PLD5: variants seen among roughly 807,000 people sequenced by gnomAD.
PLD5 encodes inactive phospholipase D5.
Under a neutral mutation model 61.1 loss-of-function variants are expected in PLD5, and 36 were observed. The ratio of observed to expected loss-of-function variants is 0.59; its 90% CI spans 0.45 to 0.78. PLD5 has a LOEUF of 0.78. PLD5 is among the 30% of genes least tolerant of loss of function. PLD5 has a pLI of 0.00. For synonymous variants in PLD5, 243 were observed against 242.8 expected (o/e 1.00, Z -0.01); for missense variants, 515 against 644.4 (o/e 0.80, Z 2.17).
intron 1 of PLD5, among the ~76,000 whole-genome samples, chr1:242,467,823 A>C (rs1667324653): frequency 1.3e-5 from 2 of 152,126 alleles, no homozygotes; most frequent in African/African-American, 4.8e-5. Flanking sequence ...CCTTTGTTAG[A>C]GAGTTTATAA....
intron 2 of PLD5, among the ~76,000 whole-genome samples, chr1:242,326,149 C>CAGGT (rs1267168009): frequency 1.4e-5 from 2 of 146,680 alleles, no homozygotes; most frequent in Non-Finnish European, 3.0e-5. Context: ...TGCTGTGATA[C>CAGGT]AGGTGTGAAC....
intron 2 of PLD5, among the ~76,000 whole-genome samples, chr1:242,327,407 TAG>T (rs2149196484): frequency 6.6e-6 from 1 of 152,346 alleles, no homozygotes; most frequent in South Asian, 2.1e-4. Context: ...TTTGACAATA[TAG>T]AGTTCTTTAC....
At chr1:242,309,384 TTTTC>T (rs1328503432) in intron 2 of PLD5, among the ~76,000 whole-genome samples, 2 of 143,352 alleles carry the variant, frequency 1.4e-5, no homozygotes. Context: ...CTAAGTTTTC[TTTTC>T]TTTTTTTTTT....
At chr1:242,468,690 TACAC>T (rs918214737) in intron 1 of PLD5, among the ~76,000 whole-genome samples, 5 of 151,424 alleles carry the variant, frequency 3.3e-5, no homozygotes, top group African/African-American at 7.3e-5. Context: ...CACACACACA[TACAC>T]ACACACGCAC....
At chr1:242,292,524 C>T (rs540134915) in intron 2 of PLD5, among the ~76,000 whole-genome samples, 218 of 152,296 alleles carry the variant, frequency 1.4e-3, no homozygotes, top group Middle Eastern at 0.01. Flanking sequence ...AAGTAAGTCA[C>T]GATTCCCAAT....
intron 5 of PLD5, among the ~76,000 whole-genome samples, chr1:242,141,943 T>C (rs1664204921): frequency 6.6e-6 from 1 of 152,240 alleles, no homozygotes; most frequent in Non-Finnish European, 1.5e-5. Flanking sequence ...GTTCTTTATA[T>C]TAATATATAT....
At chr1:242,154,878 T>G (rs764126992) in intron 5 of PLD5, among the ~76,000 whole-genome samples, 2 of 152,156 alleles carry the variant, frequency 1.3e-5, no homozygotes, top group Non-Finnish European at 2.9e-5. Context: ...TTACGGAGGA[T>G]TCCCTCTTTT....
chr1:242,271,316 C>T (rs1164586594), intron 3 of PLD5, among the ~76,000 whole-genome samples: 1 of 143,640 alleles, frequency 7.0e-6, no homozygotes, highest in Non-Finnish European at 1.5e-5. Context: ...CATAGGCATA[C>T]AAAAAAGATT....
At chr1:242,322,089 A>G (rs11589370) in intron 2 of PLD5, among the ~76,000 whole-genome samples, 52,181 of 152,098 alleles carry the variant, frequency 0.34, 11,090 homozygotes, top group Non-Finnish European at 0.48. Context: ...GCCCTTGGTT[A>G]CCTTGGGAAG....
intron 1 of PLD5, among the ~76,000 whole-genome samples, chr1:242,402,825 T>TAA (rs1664015507): frequency 6.6e-6 from 1 of 152,262 alleles, no homozygotes. Context: ...ATATAATTCC[T>TAA]ATGTATAAAC....
intron 5 of PLD5, among the ~76,000 whole-genome samples, chr1:242,163,147 CTTTCTTTTCTT>C (rs1665986998): frequency 7.0e-6 from 1 of 142,008 alleles, no homozygotes; most frequent in Non-Finnish European, 1.5e-5. Flanking sequence ...CTTTTCTTTT[CTTTCTTTTCTT>C]GAGACGACGG....
chr1:242,464,784 A>T (rs4658816), intron 1 of PLD5, among the ~76,000 whole-genome samples: 4 of 151,942 alleles, frequency 2.6e-5, no homozygotes, highest in Admixed American at 2.6e-4. Context: ...GAAGCACAAC[A>T]TGGTGTCTAT....
intron 5 of PLD5, among the ~76,000 whole-genome samples, chr1:242,211,235 T>C (rs966110203): frequency 5.9e-5 from 9 of 152,188 alleles, no homozygotes; most frequent in African/African-American, 2.2e-4. Context: ...GATGAAGTTA[T>C]AGGATATACA....
chr1:242,391,270 G>A (rs942778747), intron 1 of PLD5, among the ~76,000 whole-genome samples: 1 of 152,156 alleles, frequency 6.6e-6, no homozygotes, highest in Non-Finnish European at 1.5e-5. Flanking sequence ...ATGGAGGAGG[G>A]TCTGGGGCAA....
chr1:242,486,610 C>A (rs1231763225), intron 1 of PLD5, among the ~76,000 whole-genome samples: 2 of 152,074 alleles, frequency 1.3e-5, no homozygotes, highest in Admixed American at 1.3e-4. Flanking sequence ...TACACTGTTG[C>A]TGAGACTGTA....
At chr1:242,170,255 T>C (rs1288284808) in intron 5 of PLD5, among the ~76,000 whole-genome samples, 1 of 152,228 alleles carries the variant, frequency 6.6e-6, no homozygotes, top group African/African-American at 2.4e-5. Flanking sequence ...CAATCTTTGC[T>C]GTTCTGCAGC....
intron 1 of PLD5, among the ~76,000 whole-genome samples, chr1:242,516,250 TTATATA>T (rs57043354): frequency 0.22 from 30,133 of 138,352 alleles, 3,345 homozygotes; most frequent in African/African-American, 0.26. Context: ...TAAAGTTAAA[TTATATA>T]TATATATATA....
chr1:242,493,627 C>T (rs780016508), intron 1 of PLD5, among the ~76,000 whole-genome samples: 65 of 152,238 alleles, frequency 4.3e-4, no homozygotes, highest in Non-Finnish European at 7.5e-4. Context: ...GGAGAGAGGA[C>T]GGGCTTGTCT....
chr1:242,508,140 G>A (rs563360625), intron 1 of PLD5, among the ~76,000 whole-genome samples: 2 of 151,412 alleles, frequency 1.3e-5, no homozygotes, highest in East Asian at 3.9e-4. Flanking sequence ...AAGGTGGGCG[G>A]ATCACCTGAG....
Sources: allele counts gnomAD v4.1 joint callset (sites outside exome capture counted in the v4.1 genomes callset), GRCh38; gene constraint gnomAD v4.1.1; transcripts MANE v1.5; gene names NCBI Gene and HGNC (gene_info 2026-07-23, HGNC 2026-07-21).